GASK1A: variants seen among roughly 807,000 people sequenced by gnomAD.
The protein encoded by GASK1A is golgi associated kinase 1A.
Under a neutral mutation model 41.2 loss-of-function variants are expected in GASK1A, and 40 were observed. The ratio of observed to expected loss-of-function variants is 0.97; its 90% CI spans 0.75 to 1.27. GASK1A has a LOEUF of 1.27. Among genes scored for constraint, GASK1A ranks in the 50% most tolerant of loss-of-function variants. The pLI, the probability that GASK1A is intolerant of heterozygous loss-of-function variation, is 0.00. For missense variants in GASK1A, 678 were observed against 745.1 expected (o/e 0.91, Z 1.05); for synonymous variants, 316 against 307.1 (o/e 1.03, Z -0.30).
In GASK1A at chr3:43,028,297, A is replaced by ATGAG. The variant is rs796141486; in HGVS notation, c.4-3969_4-3966dup. Reference sequence around the variant, plus strand: ...AAATTTCAAAAGGGAGGACGGTATAATGAGGCATGTCTGGCTTCCTCTTCC... The same window carrying ATGAG: ...AAATTTCAAAAGGGAGGACGGTATAATGAGTGAGGCATGTCTGGCTTCCTCTTCC... On this transcript the variant is annotated intron_variant, in intron 1 of 4. Coordinates refer to ENST00000430121, the MANE Select transcript of GASK1A (RefSeq NM_001129908.3). Among the ~76,000 whole-genome samples the ATGAG allele has an allele frequency of 3.7e-4, 57 of 152,310 alleles. 2 individuals are homozygous for ATGAG. Among genetic ancestry groups the ATGAG allele is most frequent in the African/African-American group, 1.3e-3 (53 of 41,562 alleles).
chr3:43,051,611 C>A (rs981197464), intron 2 of GASK1A, among the ~76,000 whole-genome samples: 10 of 152,132 alleles, frequency 6.6e-5, no homozygotes, highest in Admixed American at 2.6e-4. Flanking sequence ...TTATCTTTTC[C>A]TTTTAAAGCT....
At chr3:42,989,513 T>C (rs1379551258) in intron 1 of GASK1A, among the ~76,000 whole-genome samples, 1 of 152,212 alleles carries the variant, frequency 6.6e-6, no homozygotes, top group African/African-American at 2.4e-5. Context: ...ATTTTCCTTT[T>C]GGGCCTGTTA....
chr3:43,011,726 C>T (rs149490434), intron 1 of GASK1A, among the ~76,000 whole-genome samples: 2 of 147,002 alleles, frequency 1.4e-5, no homozygotes, highest in East Asian at 4.2e-4. Flanking sequence ...AAAGGGGCTA[C>T]GTGACATCAC....
chr3:42,993,005 C>T lies in GASK1A; in HGVS notation c.3+13360C>T, dbSNP rs751153168. On this transcript the variant is annotated intron_variant, in intron 1 of 4. Coordinates refer to ENST00000430121, the MANE Select transcript of GASK1A (RefSeq NM_001129908.3). Reference sequence around the variant, plus strand: ...AGTCTATGAGTGGTTGAAGTATGGCCGCTGGGATTGGCGAACACTCAGCCA... The same window carrying T: ...AGTCTATGAGTGGTTGAAGTATGGCTGCTGGGATTGGCGAACACTCAGCCA... Among the ~76,000 whole-genome samples, 5 of 152,192 alleles carry T rather than the reference C, an allele frequency of 3.3e-5. 1 individual carries two copies. The highest frequency in any genetic ancestry group is 9.7e-5 in the African/African-American group (4 of 41,438).
chr3:43,017,271 A>T (rs1036161089), intron 1 of GASK1A, among the ~76,000 whole-genome samples: 11 of 135,556 alleles, frequency 8.1e-5, no homozygotes, highest in African/African-American at 2.8e-4. Flanking sequence ...GGAAGGGGCA[A>T]TGTGAAGTCA....
At chr3:43,055,409 C>T in intron 3 of GASK1A, 23 bp from the exon 4 acceptor site, 1 of 1,534,202 alleles carries the variant, frequency 6.5e-7, no homozygotes, top group Non-Finnish European at 8.8e-7. Context: ...CCACCTCTGT[C>T]TCTGTCCACC....
chr3:42,979,762 G>GC, intron 1 of GASK1A, 117 bp downstream of exon 1: 2 of 1,076,670 alleles, frequency 1.9e-6, no homozygotes, highest in Non-Finnish European at 2.4e-6. Context: ...TCCCGAGGCC[G>GC]GAGTTGTTCC....
chr3:42,986,022 C>A (rs550779226), intron 1 of GASK1A, among the ~76,000 whole-genome samples: 1 of 152,180 alleles, frequency 6.6e-6, no homozygotes, highest in Admixed American at 6.5e-5. Flanking sequence ...TACAAAAAAA[C>A]CTGATGCAAA....
chr3:43,025,028 G>T (rs2089540252), intron 1 of GASK1A, among the ~76,000 whole-genome samples: 1 of 152,180 alleles, frequency 6.6e-6, no homozygotes, highest in Non-Finnish European at 1.5e-5. Context: ...CACATATAAA[G>T]GTGTGGAGAC....
intron 2 of GASK1A, among the ~76,000 whole-genome samples, chr3:43,051,011 C>G (rs2089686076): frequency 6.6e-6 from 1 of 152,096 alleles, no homozygotes; most frequent in Non-Finnish European, 1.5e-5. Context: ...TGGGCTTCCT[C>G]AGGAAAAATT....
chr3:43,047,206 CAA>C (rs1559407666), intron 2 of GASK1A, among the ~76,000 whole-genome samples: 1 of 152,220 alleles, frequency 6.6e-6, no homozygotes, highest in African/African-American at 2.4e-5. Context: ...TGCAGACACT[CAA>C]TGCTAGCCGG....
At chr3:43,050,025 T>A (rs1334871584) in intron 2 of GASK1A, among the ~76,000 whole-genome samples, 2 of 143,482 alleles carry the variant, frequency 1.4e-5, no homozygotes, top group African/African-American at 2.5e-5. Context: ...TTTTTTTTTT[T>A]AAATCAGAGG....
At chr3:42,987,792 A>G (rs1161118067) in intron 1 of GASK1A, among the ~76,000 whole-genome samples, 1 of 151,968 alleles carries the variant, frequency 6.6e-6, no homozygotes, top group Admixed American at 6.6e-5. Context: ...TGAGGTCAGG[A>G]GTTTGAGACC....
intron 1 of GASK1A, among the ~76,000 whole-genome samples, chr3:43,025,091 A>C (rs549697712): frequency 1.3e-5 from 2 of 152,294 alleles, no homozygotes; most frequent in Admixed American, 1.3e-4. Flanking sequence ...TGGCTAGAGC[A>C]CTTCCGGCAT....
chr3:42,994,872 A>G (rs1237685977), intron 1 of GASK1A, among the ~76,000 whole-genome samples: 1 of 152,142 alleles, frequency 6.6e-6, no homozygotes, highest in Non-Finnish European at 1.5e-5. Context: ...CTTATATTCA[A>G]ATATCTCCAG....
At chr3:43,000,122 T>C (rs1007139004) in intron 1 of GASK1A, among the ~76,000 whole-genome samples, 1 of 152,194 alleles carries the variant, frequency 6.6e-6, no homozygotes, top group African/African-American at 2.4e-5. Flanking sequence ...CAGTATTCAG[T>C]TTACTACAGG....
At chr3:43,031,198 G>A (rs1158071124) in intron 1 of GASK1A, among the ~76,000 whole-genome samples, 1 of 152,152 alleles carries the variant, frequency 6.6e-6, no homozygotes, top group Non-Finnish European at 1.5e-5. Flanking sequence ...CGTATCTGTT[G>A]ATTCCCATTA....
intron 1 of GASK1A, among the ~76,000 whole-genome samples, chr3:43,001,986 C>T (rs548570674): frequency 6.6e-6 from 1 of 152,294 alleles, no homozygotes; most frequent in African/African-American, 2.4e-5. Flanking sequence ...GTATGCTCTC[C>T]CTTCCCTTTG....
At chr3:43,019,934 A>G (rs1038890704) in intron 1 of GASK1A, among the ~76,000 whole-genome samples, 2 of 152,182 alleles carry the variant, frequency 1.3e-5, no homozygotes, top group Non-Finnish European at 2.9e-5. Flanking sequence ...CCAGCATGTT[A>G]TCCCATTGCC....
Sources: gnomAD v4.1 joint callset for allele counts (sites outside exome capture counted in the v4.1 genomes callset) on GRCh38, gnomAD v4.1.1 for gene constraint, MANE v1.5 for transcripts, NCBI Gene and HGNC (gene_info 2026-07-23, HGNC 2026-07-21) for gene names.